Variants in ZFHX4 observed in about 807,000 individuals in gnomAD.
ZFHX4 encodes zinc finger homeobox 4.
A neutral mutation model predicts 267.6 loss-of-function variants in ZFHX4; 56 were observed. That is an observed-to-expected ratio of 0.21 (90% CI 0.17 to 0.26). The LOEUF is 0.26. ZFHX4 is among the 10% of genes least tolerant of loss of function. The pLI is 1.00. For synonymous variants in ZFHX4, 1,778 were observed against 1,665.6 expected, an observed-to-expected ratio of 1.07 and a Z score of -1.64; for missense variants, 4,332 against 4,420.0, an observed-to-expected ratio of 0.98 and a Z score of 0.56.
chr8:76,681,785 G>A (rs1807536144), intron 1 of ZFHX4, among the ~76,000 whole-genome samples, 165 bp downstream of exon 1: 1 of 151,800 alleles, frequency 6.6e-6, no homozygotes, highest in African/African-American at 2.4e-5. Context: ...CCTGCTCGCT[G>A]TCGCACACAT....
Position 76,855,822 on chromosome 8 carries a change from T to C in ZFHX4, c.8901T>C (p.Gly2967=), listed in dbSNP as rs761504861. The change falls in exon 10 of 11, where the codon GGT becomes GGC. Residue 2967 remains glycine (G), a synonymous_variant. Transcript: ENST00000651372. ...GTGAAATGTTAGGGAATGAGATTGG[T>C]CTGCCCAAACGCGTAGTCCAGGTGT... ...QECEMLGNEI[G]LPKRVVQVWF... 2.5e-6 allele frequency: 4 copies of C among 1,613,930 alleles called. No homozygotes were observed. The Admixed American group carries it at 6.7e-5, about 27-fold the overall frequency.
intron 4 of ZFHX4, among the ~76,000 whole-genome samples, chr8:76,816,911 G>A (rs1310972745): frequency 6.6e-6 from 1 of 151,988 alleles, no homozygotes; most frequent in African/African-American, 2.4e-5. Context: ...TGTCTTTTAT[G>A]CTATAAGTTA....
intron 4 of ZFHX4, among the ~76,000 whole-genome samples, chr8:76,819,549 C>T (rs910500853): frequency 6.6e-6 from 1 of 152,024 alleles, no homozygotes; most frequent in South Asian, 2.1e-4. Flanking sequence ...TGGTGGGTGC[C>T]GCTCTTCTGG....
chr8:76,692,981 T>A (rs1807862079), intron 1 of ZFHX4, among the ~76,000 whole-genome samples: 1 of 152,190 alleles, frequency 6.6e-6, no homozygotes, highest in Non-Finnish European at 1.5e-5. Context: ...AAGCATTTTT[T>A]AATATTAATC....
chr8:76,695,033 C>T (rs1807921314), intron 1 of ZFHX4, among the ~76,000 whole-genome samples: 1 of 151,766 alleles, frequency 6.6e-6, no homozygotes, highest in Non-Finnish European at 1.5e-5. Flanking sequence ...TGCTGGGAGT[C>T]GGTCATGGCT....
At position 76,852,324 on chromosome 8, in the gene ZFHX4, A is replaced by G. The variant is rs776641166; in HGVS notation, c.5403A>G (p.Gln1801=). 1.9e-6 allele frequency: 3 copies of G among 1,554,428 alleles called. No homozygotes were observed. Among genetic ancestry groups the G allele is most frequent in the African/African-American group, 1.4e-5 (1 of 73,112 alleles). The stretch of plus-strand genomic sequence containing the variant: ...TCCAGATACTACAGCAACAAGCACA[A>G]CAATACCAAGCCACACAGCCCCAGC... ...TQLQILQQQA[Q]QYQATQPQLQ... Residue 1801 remains glutamine (Q), a synonymous_variant, in exon 10 of 11, where the codon CAA becomes CAG. Transcript: ENST00000651372.
chr8:76,753,588 T>C (rs1295893043), intron 3 of ZFHX4, among the ~76,000 whole-genome samples: 1 of 151,724 alleles, frequency 6.6e-6, no homozygotes, highest in Non-Finnish European at 1.5e-5. Flanking sequence ...CTGATTCTTT[T>C]CAATTGTTTG....
intron 4 of ZFHX4, among the ~76,000 whole-genome samples, chr8:76,795,592 G>A (rs188359452): frequency 6.7e-6 from 1 of 148,292 alleles, no homozygotes; most frequent in Non-Finnish European, 1.5e-5. Context: ...TATTGCCCAG[G>A]CTGGAGTGCA....
chr8:76,690,215 G>A (rs1807789659), intron 1 of ZFHX4, among the ~76,000 whole-genome samples: 1 of 151,920 alleles, frequency 6.6e-6, no homozygotes, highest in African/African-American at 2.4e-5. Context: ...TATTTACTCA[G>A]GTCTAAATCA....
At chr8:76,791,834 T>C (rs906797539) in intron 4 of ZFHX4, among the ~76,000 whole-genome samples, 1 of 152,168 alleles carries the variant, frequency 6.6e-6, no homozygotes, top group East Asian at 1.9e-4. Context: ...AGATTCAGTA[T>C]GTATTAAAGT....
rs777426236 is a variant in ZFHX4, at chr8:76,863,857, C to A, written c.10143C>A (p.Pro3381=). 41 of 1,556,718 alleles carry A rather than the reference C, an allele frequency of 2.6e-5. No individual in the cohort carries two copies. The Admixed American group carries it at 7.8e-4, about 30-fold the overall frequency. Residue 3381 remains proline, a synonymous_variant, in exon 11 of 11, where the codon CCC becomes CCA. Transcript: ENST00000651372. ...CTACAGAAAGCACAAAAGAAGAACC[C>A]CAGTTAGAATCCAAAAGTGCAGACT... ...STATESTKEE[P]QLESKSADFS...
intron 3 of ZFHX4, among the ~76,000 whole-genome samples, chr8:76,777,518 T>C (rs1170662968): frequency 1.3e-5 from 2 of 152,232 alleles, no homozygotes; most frequent in African/African-American, 4.8e-5. Flanking sequence ...GAAACATTTT[T>C]GTTTATAGAA....
chr8:76,687,452 G>C (rs1411303051), intron 1 of ZFHX4, among the ~76,000 whole-genome samples: 1 of 152,150 alleles, frequency 6.6e-6, no homozygotes, highest in African/African-American at 2.4e-5. Flanking sequence ...TCCCAAGACG[G>C]GATAGTGTCA....
chr8:76,776,377 C>T (rs1810401603), intron 3 of ZFHX4, among the ~76,000 whole-genome samples: 1 of 152,118 alleles, frequency 6.6e-6, no homozygotes. Flanking sequence ...CACTCTCTCT[C>T]ACACACACTC....
At chr8:76,793,943 G>A in intron 4 of ZFHX4, among the ~76,000 whole-genome samples, 1 of 152,158 alleles carries the variant, frequency 6.6e-6, no homozygotes, top group East Asian at 1.9e-4. Flanking sequence ...AGTAATTAAT[G>A]CACTCCACTT....
chr8:76,856,230 C>T lies in ZFHX4; in HGVS notation c.9309C>T (p.Gly3103=). The change falls in exon 10 of 11, where the codon GGC becomes GGT. Residue 3103 remains glycine, a synonymous_variant. Coordinates refer to ENST00000651372, the MANE Select transcript of ZFHX4 (RefSeq NM_024721.5). ...SLPTAYPGLP[G]LPPVLLPGMN... is the part of the protein sequence containing the mutation. ...CAACAGCCTACCCCGGACTCCCCGG[C>T]CTTCCTCCAGTCCTTCTCCCCGGAA... is the stretch of plus-strand genomic sequence containing the variant. 1 of 1,613,976 alleles carries T rather than the reference C, an allele frequency of 6.2e-7. No homozygotes were observed. Among genetic ancestry groups the T allele is most frequent in the Non-Finnish European group, 8.5e-7 (1 of 1,179,870 alleles).
At chr8:76,837,212 G>A (rs1193298055) in intron 5 of ZFHX4, among the ~76,000 whole-genome samples, 1 of 152,088 alleles carries the variant, frequency 6.6e-6, no homozygotes, top group African/African-American at 2.4e-5. Flanking sequence ...GTTTAATAGA[G>A]GAGGCCCCAG....
chr8:76,829,577 G>A (rs995337255), intron 4 of ZFHX4, among the ~76,000 whole-genome samples: 9 of 152,214 alleles, frequency 5.9e-5, no homozygotes, highest in Non-Finnish European at 7.4e-5. Flanking sequence ...TTGGGAGGCC[G>A]AGGTGGGCAG....
intron 4 of ZFHX4, among the ~76,000 whole-genome samples, chr8:76,790,774 T>G (rs968716879): frequency 3.9e-5 from 6 of 152,128 alleles, no homozygotes; most frequent in Non-Finnish European, 5.9e-5. Flanking sequence ...GACAGCCCCA[T>G]TTTTAATCCA....
Sources: gnomAD v4.1 joint callset for allele counts (sites outside exome capture counted in the v4.1 genomes callset) on GRCh38, gnomAD v4.1.1 for gene constraint, MANE v1.5 for transcripts, NCBI Gene and HGNC (gene_info 2026-07-23, HGNC 2026-07-21) for gene names.